PCDH9: variants seen among roughly 807,000 people sequenced by gnomAD.
The protein encoded by PCDH9 is protocadherin-9.
In PCDH9, 24 loss-of-function variants were observed where a neutral mutation model predicts 70.6. The ratio of observed to expected loss-of-function variants is 0.34; its 90% CI spans 0.25 to 0.48. PCDH9 has a LOEUF of 0.48. PCDH9 is among the 20% of genes least tolerant of loss of function. PCDH9 has a pLI of 0.99. For synonymous variants in PCDH9, 562 were observed against 558.5 expected, an observed-to-expected ratio of 1.01 and a Z score of -0.09; for missense variants, 1,281 against 1,503.6, an observed-to-expected ratio of 0.85 and a Z score of 2.45.
chr13:66,936,081 C>A (rs997764190), intron 2 of PCDH9, among the ~76,000 whole-genome samples: 10 of 152,146 alleles, frequency 6.6e-5, no homozygotes, highest in African/African-American at 2.4e-4. Context: ...GAGACTCTGT[C>A]TCAAAAAACA....
chr13:66,619,152 A>T (rs2077393124), intron 4 of PCDH9, among the ~76,000 whole-genome samples: 1 of 152,184 alleles, frequency 6.6e-6, no homozygotes, highest in Non-Finnish European at 1.5e-5. Context: ...GTAATATTAT[A>T]GAAGATTATC....
At chr13:66,987,311 T>C (rs1283973379) in intron 2 of PCDH9, among the ~76,000 whole-genome samples, 1 of 152,054 alleles carries the variant, frequency 6.6e-6, no homozygotes, top group East Asian at 1.9e-4. Flanking sequence ...CCATGTGAAA[T>C]GTCTGTAGAG....
At chr13:66,953,588 C>T (rs545966709) in intron 2 of PCDH9, among the ~76,000 whole-genome samples, 1 of 152,296 alleles carries the variant, frequency 6.6e-6, no homozygotes, top group South Asian at 2.1e-4. Flanking sequence ...GTTGTCCCTT[C>T]TCTCCTGCTT....
chr13:67,216,370 T>C (rs1376651853), intron 2 of PCDH9: 2 of 151,972 alleles, frequency 1.3e-5, no homozygotes, highest in African/African-American at 2.4e-5. Context: ...TTTACTATGG[T>C]GTAATACAAT....
intron 3 of PCDH9, among the ~76,000 whole-genome samples, chr13:66,703,723 C>T (rs143861615): frequency 5.3e-5 from 8 of 151,852 alleles, no homozygotes; most frequent in Non-Finnish European, 8.8e-5. Flanking sequence ...GGTGAGACCC[C>T]CGTCTCTAAA....
intron 4 of PCDH9, among the ~76,000 whole-genome samples, chr13:66,385,016 C>T (rs1361502744): frequency 6.6e-6 from 1 of 152,068 alleles, no homozygotes; most frequent in African/African-American, 2.4e-5. Flanking sequence ...CATTTCTTCA[C>T]ATTTCCTCCT....
intron 4 of PCDH9, among the ~76,000 whole-genome samples, chr13:66,623,664 T>G (rs949617184): frequency 6.6e-6 from 1 of 152,298 alleles, no homozygotes; most frequent in East Asian, 1.9e-4. Flanking sequence ...GGTCTCCAAC[T>G]CCTGGCTTCA....
rs867850327 is a variant in PCDH9 at position 66,927,384 on chromosome 13, C to T, written c.3037-23779G>A. Among the ~76,000 whole-genome samples the T allele has an allele frequency of 5.9e-5, 9 of 151,768 alleles. No homozygotes were observed. The South Asian group carries it at 6.2e-4, about 11-fold the overall frequency. ...GGAACGACACACACTGGGGCCTCTT[C>T]GAGGGTGGAGGATAGGAGGAGGAGG... On this transcript the variant is annotated intron_variant, in intron 2 of 4. Transcript: ENST00000377865.
At chr13:67,041,955 G>A (rs1384897041) in intron 2 of PCDH9, among the ~76,000 whole-genome samples, 1 of 152,092 alleles carries the variant, frequency 6.6e-6, no homozygotes, top group Non-Finnish European at 1.5e-5. Flanking sequence ...TGGTCAAAAT[G>A]AAGTATGTCA....
chr13:66,909,638 G>T (rs899701810), intron 2 of PCDH9, among the ~76,000 whole-genome samples: 2 of 151,942 alleles, frequency 1.3e-5, no homozygotes, highest in African/African-American at 4.8e-5. Context: ...GCGTGGTGGC[G>T]GGCGCCTGTA....
intron 4 of PCDH9, among the ~76,000 whole-genome samples, chr13:66,432,939 G>A (rs1957799774): frequency 6.6e-6 from 1 of 151,920 alleles, no homozygotes; most frequent in Non-Finnish European, 1.5e-5. Context: ...GAAAAATATG[G>A]CTCAATGCCC....
Position 67,227,617 on chromosome 13 carries a change from T to C in PCDH9, c.824A>G (p.His275Arg), listed in dbSNP as rs2138147291. The C allele has an allele frequency of 6.2e-7, 1 of 1,614,066 alleles. No individual in the cohort carries two copies. The highest frequency in any genetic ancestry group is 1.6e-4 in the Middle Eastern group (1 of 6,062). Residue 275 changes from histidine to arginine, a missense_variant, in exon 2 of 5, where the codon CAT (histidine) becomes CGT (arginine). Transcript: ENST00000377865. The surrounding 1 kb of genome is among the most constrained non-coding windows in gnomAD (Gnocchi z 4.6). Reference protein sequence around the residue: ...APVGTSVIQLHATDADIGSNA... With the variant: ...APVGTSVIQLRATDADIGSNA... ...ACTGCCTATATCTGCATCAGTGGCATGGAGCTGAATTACAGAGGTACCTAC... is the reference window on the plus strand; with the variant it reads ...ACTGCCTATATCTGCATCAGTGGCACGGAGCTGAATTACAGAGGTACCTAC...
chr13:66,386,024 T>C (rs1956923125), intron 4 of PCDH9, among the ~76,000 whole-genome samples: 1 of 151,732 alleles, frequency 6.6e-6, no homozygotes, highest in South Asian at 2.1e-4. Flanking sequence ...AGAAAAAGTA[T>C]CTTTTAGCTA....
rs200648378 is a variant in PCDH9 at position 66,713,132 on chromosome 13, A to G, written c.3139-81721T>C. ...TTGTTTTCTTAAAAACTGCGTGATCACTCCTGAACAAGCTGAGCACGGAAT... is the reference window on the plus strand; with the variant it reads ...TTGTTTTCTTAAAAACTGCGTGATCGCTCCTGAACAAGCTGAGCACGGAAT... On this transcript the variant is annotated intron_variant, in intron 3 of 4. Transcript: ENST00000377865. 4.6e-5 allele frequency among the ~76,000 whole-genome samples: 7 copies of G among 152,166 alleles called. No individual in the cohort carries two copies. The East Asian group carries it at 1.4e-3, about 29-fold the overall frequency.
At chr13:66,513,137 T>C (rs1827751438) in intron 4 of PCDH9, among the ~76,000 whole-genome samples, 1 of 151,580 alleles carries the variant, frequency 6.6e-6, no homozygotes, top group African/African-American at 2.4e-5. Context: ...TCTTATATTC[T>C]TATATATATT....
chr13:67,069,859 A>G (rs1174326311), intron 2 of PCDH9, among the ~76,000 whole-genome samples: 2 of 152,104 alleles, frequency 1.3e-5, no homozygotes, highest in Non-Finnish European at 2.9e-5. Flanking sequence ...GGATTGTCAA[A>G]TGTTGGGTAT....
chr13:66,987,887 A>G (rs1423480203), intron 2 of PCDH9, among the ~76,000 whole-genome samples: 1 of 151,778 alleles, frequency 6.6e-6, no homozygotes, highest in Non-Finnish European at 1.5e-5. Context: ...AAATTTTAAT[A>G]ATTTAGTTTA....
intron 3 of PCDH9, among the ~76,000 whole-genome samples, chr13:66,705,860 T>A (rs966948744): frequency 6.6e-6 from 1 of 152,204 alleles, no homozygotes; most frequent in African/African-American, 2.4e-5. Flanking sequence ...TTACGTATCA[T>A]AAATATATTC....
At chr13:66,674,146 A>G (rs2078213058) in intron 3 of PCDH9, among the ~76,000 whole-genome samples, 2 of 152,100 alleles carry the variant, frequency 1.3e-5, no homozygotes, top group South Asian at 4.1e-4. Context: ...CCATCAAACC[A>G]GATGTTTAAT....
Sources: allele counts gnomAD v4.1 joint callset (sites outside exome capture counted in the v4.1 genomes callset), GRCh38; gene constraint gnomAD v4.1.1; non-coding constraint Gnocchi (gnomAD v3.1); transcripts MANE v1.5; gene names NCBI Gene and HGNC (gene_info 2026-07-23, HGNC 2026-07-21).